SPRR2G: variants seen among roughly 807,000 people sequenced by gnomAD.
SPRR2G encodes the protein small proline-rich protein 2G.
In SPRR2G, 1 loss-of-function variant was observed where a neutral mutation model predicts 0.7. That is an observed-to-expected ratio of 1.49 (90% confidence interval 0.53 to 7.06). SPRR2G has a LOEUF of 7.06. Ranked by LOEUF, SPRR2G falls within the 30% of genes most tolerant of loss-of-function variation. SPRR2G has a pLI of 0.14. For missense variants in SPRR2G, 96 were observed against 88.5 expected (o/e 1.09, Z -0.34); for synonymous variants, 38 against 33.9 (o/e 1.12, Z -0.42).
chr1:153,191,069 G>A, the SPRR2G span: 1 of 152,256 alleles, frequency 6.6e-6, no homozygotes, highest in Non-Finnish European at 1.5e-5. Context: ...AGAGTGACAA[G>A]GGGACCTGGT....
upstream of SPRR2G, among the ~76,000 whole-genome samples, chr1:153,153,266 T>A (rs1656510537): frequency 2.6e-5 from 4 of 152,156 alleles, no homozygotes; most frequent in African/African-American, 9.7e-5. Flanking sequence ...AATATTTAAA[T>A]GTTCAAAGAT....
the SPRR2G span, among the ~76,000 whole-genome samples, chr1:153,175,266 T>G: frequency 1.3e-5 from 2 of 152,214 alleles, no homozygotes; most frequent in South Asian, 4.1e-4. Context: ...AAATGATCTT[T>G]CAAAAATACA....
At chr1:153,151,436 G>A (rs756663493), upstream of SPRR2G, among the ~76,000 whole-genome samples, 1 of 152,208 alleles carries the variant, frequency 6.6e-6, no homozygotes, top group Non-Finnish European at 1.5e-5. Context: ...GATGCTGACA[G>A]CCCCAACCTG....
At chr1:153,201,020 A>G in the SPRR2G span, among the ~76,000 whole-genome samples, 1 of 152,068 alleles carries the variant, frequency 6.6e-6, no homozygotes, top group Admixed American at 6.5e-5. Context: ...CAGGATTTAA[A>G]CCCAGAAATC....
the SPRR2G span, among the ~76,000 whole-genome samples, chr1:153,173,695 C>G: frequency 1.3e-5 from 2 of 152,174 alleles, no homozygotes; most frequent in African/African-American, 4.8e-5. Context: ...TTGCTCTGAA[C>G]TACAGAGCGG....
chr1:153,168,652 C>G, the SPRR2G span, among the ~76,000 whole-genome samples: 2 of 151,900 alleles, frequency 1.3e-5, no homozygotes, highest in Admixed American at 1.3e-4. Context: ...TATGAATGAT[C>G]CTATGGAAAG....
chr1:153,157,974 G>A, the SPRR2G span, among the ~76,000 whole-genome samples: 3 of 151,996 alleles, frequency 2.0e-5, no homozygotes, highest in South Asian at 2.1e-4. Flanking sequence ...CTCATGAGAC[G>A]GCCCCATGAT....
chr1:153,156,059 C>T, the SPRR2G span, among the ~76,000 whole-genome samples: 3 of 152,144 alleles, frequency 2.0e-5, no homozygotes, highest in Non-Finnish European at 4.4e-5. Context: ...GATCCAATAC[C>T]TGAAACAGAG....
In SPRR2G at chr1:153,149,708, T is replaced by C. The variant is rs956377133; in HGVS notation, c.*181A>G. The C allele has an allele frequency of 4.0e-6, 3 of 758,910 alleles. No individual in the cohort carries two copies. The highest frequency in any genetic ancestry group is 6.4e-6 in the Non-Finnish European group (3 of 467,434). 47.0% of individuals were successfully genotyped at this position (758,910 alleles called of 1,614,324 possible). A position where few individuals can be genotyped will look rare whatever the true frequency, so the allele number is the denominator to read the frequency against. On this transcript the variant is annotated 3_prime_UTR_variant, in exon 2 of 2. Transcript: ENST00000368748. ...CGAGATTAGGCAGTGATCTGGCTGC[T>C]CATCTTCCAACAACATATCGGTTTT...
the SPRR2G span, among the ~76,000 whole-genome samples, chr1:153,169,429 G>A: frequency 1.3e-5 from 2 of 152,086 alleles, no homozygotes; most frequent in Non-Finnish European, 2.9e-5. Context: ...AGTTGGGCAT[G>A]GTGGTGCACA....
chr1:153,189,080 C>T, the SPRR2G span, among the ~76,000 whole-genome samples: 2 of 152,188 alleles, frequency 1.3e-5, no homozygotes, highest in Non-Finnish European at 2.9e-5. Context: ...AGCTCCAGAC[C>T]AGAGCTGTTC....
At chr1:153,170,662 T>A in the SPRR2G span, among the ~76,000 whole-genome samples, 1,257 of 152,254 alleles carry the variant, frequency 8.3e-3, 20 homozygotes, top group African/African-American at 0.029. Flanking sequence ...TTCCATGGCT[T>A]CAAAAGAAAA....
At chr1:153,171,312 G>C in the SPRR2G span, among the ~76,000 whole-genome samples, 2 of 152,072 alleles carry the variant, frequency 1.3e-5, no homozygotes, top group Non-Finnish European at 2.9e-5. Context: ...AACTCAAAAA[G>C]AGAGTAAATA....
the SPRR2G span, among the ~76,000 whole-genome samples, chr1:153,194,346 C>T: frequency 5.3e-5 from 8 of 152,180 alleles, no homozygotes; most frequent in Non-Finnish European, 8.8e-5. Flanking sequence ...AGTCCTGCCT[C>T]CCATCAAATT....
the SPRR2G span, among the ~76,000 whole-genome samples, chr1:153,165,201 G>A: frequency 2.0e-5 from 3 of 151,890 alleles, no homozygotes; most frequent in African/African-American, 7.3e-5. Flanking sequence ...TGGATGGATG[G>A]ACGGACGGAT....
At chr1:153,182,648 C>G in the SPRR2G span, among the ~76,000 whole-genome samples, 1 of 152,026 alleles carries the variant, frequency 6.6e-6, no homozygotes, top group Admixed American at 6.6e-5. Flanking sequence ...GGTGTTTGGT[C>G]TTCAGTTCCT....
At chr1:153,182,901 G>T in the SPRR2G span, among the ~76,000 whole-genome samples, 1 of 152,112 alleles carries the variant, frequency 6.6e-6, no homozygotes, top group East Asian at 1.9e-4. Context: ...GTGTATACCA[G>T]TAATGGGATT....
chr1:153,193,174 G>A, the SPRR2G span, among the ~76,000 whole-genome samples: 799 of 152,172 alleles, frequency 5.3e-3, 6 homozygotes, highest in African/African-American at 0.019. Flanking sequence ...CAGGATGGTC[G>A]ATATGCATTG....
At chr1:153,170,375 TA>T in the SPRR2G span, among the ~76,000 whole-genome samples, 1 of 152,234 alleles carries the variant, frequency 6.6e-6, no homozygotes, top group Non-Finnish European at 1.5e-5. Context: ...GTATAATTGG[TA>T]ACTTTAATAA....
Sources: gnomAD v4.1 joint callset for allele counts (sites outside exome capture counted in the v4.1 genomes callset) on GRCh38, gnomAD v4.1.1 for gene constraint, MANE v1.5 for transcripts, NCBI Gene and HGNC (gene_info 2026-07-23, HGNC 2026-07-21) for gene names.